The following DROSHA variants were observed in gnomAD, a reference collection of about 807,000 sequenced individuals.
The protein encoded by DROSHA is drosha ribonuclease III.
In DROSHA, 56 loss-of-function variants were observed where a neutral mutation model predicts 181.9. The ratio of observed to expected loss-of-function variants is 0.31; its 90% confidence interval spans 0.25 to 0.38. DROSHA has a LOEUF of 0.38. Among genes scored for constraint, DROSHA ranks in the 10% least tolerant of loss-of-function variants. The pLI, the probability that DROSHA is intolerant of heterozygous loss-of-function variation, is 1.00. For missense variants in DROSHA, 1,218 were observed against 1,743.5 expected (o/e 0.70, Z 5.37); for synonymous variants, 524 against 591.2 (o/e 0.89, Z 1.65).
intron 30 of DROSHA, among the ~76,000 whole-genome samples, chr5:31,417,418 C>A (rs931970180): frequency 6.6e-5 from 10 of 152,128 alleles, no homozygotes; most frequent in African/African-American, 2.4e-4. Context: ...TGTAATCCGG[C>A]TTCTCTTTAA....
chr5:31,476,711 C>T (rs73749966), intron 16 of DROSHA, among the ~76,000 whole-genome samples: 2,026 of 152,220 alleles, frequency 0.013, 49 homozygotes, highest in African/African-American at 0.046. Context: ...GGTTTTGGGG[C>T]TCGATTTCCA....
intron 16 of DROSHA, among the ~76,000 whole-genome samples, chr5:31,472,887 G>A (rs1392364122): frequency 1.3e-5 from 2 of 152,108 alleles, no homozygotes; most frequent in African/African-American, 4.8e-5. Context: ...AATAACAAAG[G>A]GCATCATTCA....
At chr5:31,407,488 T>G (rs1740786731) in intron 33 of DROSHA, among the ~76,000 whole-genome samples, 1 of 152,198 alleles carries the variant, frequency 6.6e-6, no homozygotes, top group African/African-American at 2.4e-5. Context: ...TAATGCCAAG[T>G]ACACAACACA....
At chr5:31,512,074 T>C (rs1738756583) in intron 8 of DROSHA, among the ~76,000 whole-genome samples, 1 of 152,144 alleles carries the variant, frequency 6.6e-6, no homozygotes. Flanking sequence ...TTTTCCTCAC[T>C]CAATTTCCAG....
chr5:31,406,102 T>A (rs1304358841), intron 34 of DROSHA, among the ~76,000 whole-genome samples: 2 of 152,184 alleles, frequency 1.3e-5, no homozygotes, highest in African/African-American at 4.8e-5. Context: ...AAATCATTTC[T>A]CAGTTTAAGA....
At position 31,514,855 on chromosome 5, in the gene DROSHA, C is replaced by G; in HGVS notation, c.1290+133G>C. The G allele has an allele frequency of 1.3e-6, 1 of 774,922 alleles. No homozygotes were observed. The highest frequency in any genetic ancestry group is 1.8e-5 in the South Asian group (1 of 54,394). 48.0% of individuals were successfully genotyped at this position (774,922 alleles called of 1,614,324 possible). On this transcript the variant is annotated intron_variant, in intron 8 of 35. Coordinates refer to ENST00000344624, the MANE Select transcript of DROSHA (RefSeq NM_001382508.1). The surrounding 1 kb of genome is among the most constrained non-coding windows in gnomAD (Gnocchi z 4.4). ...TACTACTGGCATCTAACAGGTAGAG[C>G]CCAGAGATGCCGCTAAACATCCTAC...
chr5:31,499,172 T>G (rs769016864), intron 11 of DROSHA, among the ~76,000 whole-genome samples: 1 of 152,198 alleles, frequency 6.6e-6, no homozygotes, highest in South Asian at 2.1e-4. Context: ...ACGGGCAATA[T>G]GCATTCCACA....
chr5:31,423,724 A>C (rs1743070515), intron 28 of DROSHA, among the ~76,000 whole-genome samples: 1 of 152,142 alleles, frequency 6.6e-6, no homozygotes, highest in Non-Finnish European at 1.5e-5. Context: ...GAGTTCAACC[A>C]CTTCTTACAT....
intron 26 of DROSHA, 46 bp from the exon 27 acceptor site, chr5:31,429,591 T>A: frequency 1.3e-6 from 2 of 1,536,096 alleles, no homozygotes; most frequent in Non-Finnish European, 1.8e-6. Flanking sequence ...CCATCAACAG[T>A]CAAAGAAAAT....
intron 25 of DROSHA, 117 bp from the exon 26 acceptor site, chr5:31,431,795 T>C (rs1744211997): frequency 2.5e-6 from 2 of 807,124 alleles, no homozygotes; most frequent in Admixed American, 2.3e-5. Flanking sequence ...GCGTAATGGT[T>C]ACAAATCCAT....
chr5:31,443,390 TG>T (rs1745877452), intron 23 of DROSHA, among the ~76,000 whole-genome samples: 2 of 152,232 alleles, frequency 1.3e-5, no homozygotes, highest in Admixed American at 1.3e-4. Context: ...CAAGGCAGCT[TG>T]GTTTTCCCCT....
At chr5:31,443,454 T>G (rs1173280373) in intron 23 of DROSHA, among the ~76,000 whole-genome samples, 2 of 152,166 alleles carry the variant, frequency 1.3e-5, no homozygotes, top group African/African-American at 4.8e-5. Context: ...TTACTGATAA[T>G]ACGTCGATTA....
At chr5:31,431,329 A>G (rs1561147816) in intron 26 of DROSHA, among the ~76,000 whole-genome samples, 1 of 146,128 alleles carries the variant, frequency 6.8e-6, no homozygotes, top group Admixed American at 7.1e-5. Context: ...CATCTACATG[A>G]CATCAGACAC....
At chr5:31,496,438 A>G (rs1208886627) in intron 11 of DROSHA, among the ~76,000 whole-genome samples, 1 of 152,194 alleles carries the variant, frequency 6.6e-6, no homozygotes, top group Non-Finnish European at 1.5e-5. Context: ...AAACAAAAAC[A>G]AAAAGAAAAC....
intron 17 of DROSHA, among the ~76,000 whole-genome samples, chr5:31,468,785 A>G (rs570251698): frequency 9.9e-5 from 15 of 152,194 alleles, no homozygotes; most frequent in Non-Finnish European, 1.8e-4. Context: ...GACAGTCTCA[A>G]TTAGAGATTC....
intron 11 of DROSHA, among the ~76,000 whole-genome samples, chr5:31,501,222 A>C (rs141022175): frequency 6.6e-6 from 1 of 152,156 alleles, no homozygotes; most frequent in Admixed American, 6.5e-5. Flanking sequence ...GACTGGATAC[A>C]TCACTGTGGT....
chr5:31,449,791 C>G (rs964356269), intron 21 of DROSHA, among the ~76,000 whole-genome samples: 1 of 152,124 alleles, frequency 6.6e-6, no homozygotes, highest in Non-Finnish European at 1.5e-5. Flanking sequence ...CCAAATTAAG[C>G]AGGAAAGGGA....
rs759521379 is a variant in DROSHA at position 31,466,148 on chromosome 5, C to T, written c.2466+34G>A. 31 of 1,593,860 alleles carry T rather than the reference C, an allele frequency of 1.9e-5. No individual in the cohort carries two copies. In the Middle Eastern group the frequency reaches 6.6e-4, roughly 34 times the overall value. On this transcript the variant is annotated intron_variant, in intron 19 of 35. Coordinates refer to ENST00000344624, the MANE Select transcript of DROSHA (RefSeq NM_001382508.1). The stretch of plus-strand genomic sequence containing the variant: ...ACGAAATAAACCTGAAGCACATCAT[C>T]GTTAATCACCAAGGAATGGAGTTTG...
At chr5:31,479,901 T>C (rs1750831316) in intron 16 of DROSHA, among the ~76,000 whole-genome samples, 1 of 151,868 alleles carries the variant, frequency 6.6e-6, no homozygotes, top group South Asian at 2.1e-4. Context: ...TGTAGACACT[T>C]TCAGTTCTCC....
Sources: gnomAD v4.1 joint callset for allele counts (sites outside exome capture counted in the v4.1 genomes callset) on GRCh38, gnomAD v4.1.1 for gene constraint, Gnocchi (gnomAD v3.1) non-coding constraint, MANE v1.5 for transcripts, NCBI Gene and HGNC (gene_info 2026-07-23, HGNC 2026-07-21) for gene names.